The following UBASH3B variants were observed in gnomAD, a reference collection of about 807,000 sequenced individuals.
The protein encoded by UBASH3B is ubiquitin-associated and SH3 domain-containing protein B.
In UBASH3B, 37 loss-of-function variants were observed where a neutral mutation model predicts 83.4. The ratio of observed to expected loss-of-function variants is 0.44; its 90% CI spans 0.34 to 0.58. The LOEUF (loss-of-function observed/expected upper bound fraction) is 0.58. Among genes scored for constraint, UBASH3B ranks in the 20% least tolerant of loss-of-function variants. The pLI is 0.01. For synonymous variants in UBASH3B, 304 were observed against 318.3 expected (o/e 0.96, Z 0.48); for missense variants, 657 against 827.2 (o/e 0.79, Z 2.52).
At chr11:122,704,167 C>T (rs184109170) in intron 1 of UBASH3B, among the ~76,000 whole-genome samples, 4 of 152,318 alleles carry the variant, frequency 2.6e-5, no homozygotes, top group African/African-American at 7.2e-5. Context: ...CTTTTATTTA[C>T]GGGCTGAGTC....
At chr11:122,672,067 C>T (rs1378648042) in intron 1 of UBASH3B, among the ~76,000 whole-genome samples, 4 of 152,014 alleles carry the variant, frequency 2.6e-5, no homozygotes, top group African/African-American at 9.7e-5. Context: ...GATGTTGAGG[C>T]AGGACAGAAC....
In UBASH3B at chr11:122,809,776, G is replaced by A. The variant is rs758124988; in HGVS notation, c.1840G>A (p.Glu614Lys). 8.7e-6 allele frequency: 14 copies of A among 1,614,126 alleles called. No homozygotes were observed. In the South Asian group the frequency reaches 1.5e-4, roughly 18 times the overall value. Residue 614 changes from glutamate (E) to lysine (K), a missense_variant, in exon 14 of 14, where the codon GAA becomes AAA. Around this residue, in one of 3 missense-constraint regions of UBASH3B, gnomAD observed 573 missense variants for 739.0 expected, o/e 0.78. Transcript: ENST00000284273. ...KIPYLGFCSCEELGETGIWQL... is the reference protein window; with the variant it reads ...KIPYLGFCSCKELGETGIWQL... ...CCCATATCTGGGATTTTGTTCCTGT[G>A]AAGAATTAGGAGAAACTGGAATATG...
intron 1 of UBASH3B, among the ~76,000 whole-genome samples, chr11:122,733,615 C>A (rs1860881481): frequency 6.6e-6 from 1 of 152,164 alleles, no homozygotes; most frequent in Non-Finnish European, 1.5e-5. Context: ...CAGCTGCCTT[C>A]ATTGATGTAT....
intron 1 of UBASH3B, among the ~76,000 whole-genome samples, chr11:122,738,607 A>C (rs1199172558): frequency 6.6e-6 from 1 of 152,216 alleles, no homozygotes; most frequent in Non-Finnish European, 1.5e-5. Flanking sequence ...TGTTACATTC[A>C]TCCAGGCACA....
At chr11:122,748,629 A>C (rs547241827) in intron 1 of UBASH3B, among the ~76,000 whole-genome samples, 2 of 152,188 alleles carry the variant, frequency 1.3e-5, no homozygotes, top group Non-Finnish European at 2.9e-5. Context: ...GATTCTTTGA[A>C]TACCTCCATT....
chr11:122,778,503 A>G (rs1031620660), intron 3 of UBASH3B, among the ~76,000 whole-genome samples: 4 of 152,118 alleles, frequency 2.6e-5, no homozygotes, highest in Non-Finnish European at 5.9e-5. Flanking sequence ...AAATAGTAGA[A>G]AACACGCAGC....
intron 1 of UBASH3B, among the ~76,000 whole-genome samples, chr11:122,714,464 C>T (rs1864241347): frequency 6.6e-6 from 1 of 152,204 alleles, no homozygotes; most frequent in Admixed American, 6.5e-5. Flanking sequence ...TCCTCTTCTG[C>T]TTTTACTTTA....
At chr11:122,756,082 C>G (rs188056748) in intron 1 of UBASH3B, among the ~76,000 whole-genome samples, 1 of 151,994 alleles carries the variant, frequency 6.6e-6, no homozygotes, top group African/African-American at 2.4e-5. Flanking sequence ...AGCATTAACA[C>G]GTGTTGGCCT....
chr11:122,732,609 G>A (rs1014425640), intron 1 of UBASH3B, among the ~76,000 whole-genome samples: 12 of 152,132 alleles, frequency 7.9e-5, no homozygotes, highest in African/African-American at 2.7e-4. Flanking sequence ...AACTTGTAAA[G>A]TCCTATTGTA....
At chr11:122,724,902 C>G (rs1591787455) in intron 1 of UBASH3B, among the ~76,000 whole-genome samples, 1 of 152,002 alleles carries the variant, frequency 6.6e-6, no homozygotes, top group East Asian at 1.9e-4. Flanking sequence ...GCACTTGGGA[C>G]TCACTGGGAG....
chr11:122,726,124 C>G (rs1860735782), intron 1 of UBASH3B: 1 of 152,192 alleles, frequency 6.6e-6, no homozygotes, highest in South Asian at 2.1e-4. Context: ...TGCTCATCCA[C>G]CCTGTTGTCT....
At chr11:122,691,591 A>C (rs1863898694) in intron 1 of UBASH3B, among the ~76,000 whole-genome samples, 1 of 152,238 alleles carries the variant, frequency 6.6e-6, no homozygotes, top group Admixed American at 6.5e-5. Context: ...AAGGCTTAAA[A>C]TCTTTATTGA....
chr11:122,755,887 T>C (rs2135972011), intron 1 of UBASH3B, among the ~76,000 whole-genome samples: 1 of 152,356 alleles, frequency 6.6e-6, no homozygotes, highest in Non-Finnish European at 1.5e-5. Flanking sequence ...ACTGATTAAT[T>C]TGATTGTCTG....
intron 1 of UBASH3B, among the ~76,000 whole-genome samples, chr11:122,728,013 A>ATTATTATTT (rs1860774052): frequency 6.6e-6 from 1 of 151,562 alleles, no homozygotes; most frequent in South Asian, 2.1e-4. Context: ...TATTATTATT[A>ATTATTATTT]TTATTTTTAG....
rs563723106 is a variant in UBASH3B at position 122,757,831 on chromosome 11, A to G, written c.162-18388A>G. On this transcript the variant is annotated intron_variant, in intron 1 of 13. Coordinates refer to ENST00000284273, the MANE Select transcript of UBASH3B (RefSeq NM_032873.5). ...CAGGTTCAAGCCATTCTCCTGCCTC[A>G]ACCTCCTGAGTAGCTGGGATTACAG... 3.4e-5 allele frequency among the ~76,000 whole-genome samples: 5 copies of G among 148,984 alleles called. No individual in the cohort carries two copies. In the South Asian group the frequency reaches 1.1e-3, roughly 31 times the overall value.
intron 1 of UBASH3B, among the ~76,000 whole-genome samples, chr11:122,763,205 A>G (rs1023244136): frequency 6.6e-6 from 1 of 152,180 alleles, no homozygotes; most frequent in African/African-American, 2.4e-5. Context: ...AACAGAGGCA[A>G]AGAGAAATGT....
Position 122,656,294 on chromosome 11 carries a change from G to T in UBASH3B, c.161+84G>T, listed in dbSNP as rs568313379. On this transcript the variant is annotated intron_variant, in intron 1 of 13. Coordinates refer to ENST00000284273, the MANE Select transcript of UBASH3B (RefSeq NM_032873.5). Reference sequence around the variant, plus strand: ...GCTTCGCTCCGGCTCGCCTCCCAGCGCCTGCGGGACAGGCAGCGCGCTCCC... The same window carrying T: ...GCTTCGCTCCGGCTCGCCTCCCAGCTCCTGCGGGACAGGCAGCGCGCTCCC... 3.2e-6 allele frequency: 4 copies of T among 1,257,214 alleles called. No homozygotes were observed. In the East Asian group the frequency reaches 1.3e-4, roughly 40 times the overall value. 77.9% of individuals were successfully genotyped at this position (1,257,214 alleles called of 1,614,324 possible).
chr11:122,736,030 C>A (rs1442407251), intron 1 of UBASH3B, among the ~76,000 whole-genome samples: 1 of 152,136 alleles, frequency 6.6e-6, no homozygotes, highest in Non-Finnish European at 1.5e-5. Flanking sequence ...GACAGGAAAC[C>A]AGAGCAGACT....
rs143936474 is a variant in UBASH3B at position 122,714,551 on chromosome 11, T to G, written c.161+58341T>G. 4.1e-3 allele frequency among the ~76,000 whole-genome samples: 619 copies of G among 151,988 alleles called. 3 individuals carry two copies. Among genetic ancestry groups the G allele is most frequent in the African/African-American group, 0.014 (596 of 41,446 alleles). On this transcript the variant is annotated intron_variant, in intron 1 of 13. Coordinates refer to ENST00000284273, the MANE Select transcript of UBASH3B (RefSeq NM_032873.5). ...AGGCAGCGGGGTAAAATGGAGAGAGTGAAGGATTGAACTCAGTCCTGGCTC... is the reference window on the plus strand; with the variant it reads ...AGGCAGCGGGGTAAAATGGAGAGAGGGAAGGATTGAACTCAGTCCTGGCTC...
Sources: gnomAD v4.1 joint callset for allele counts (sites outside exome capture counted in the v4.1 genomes callset) on GRCh38, gnomAD v4.1.1 for gene constraint, gnomAD v4.1.1 regional missense constraint, MANE v1.5 for transcripts, NCBI Gene and HGNC (gene_info 2026-07-23, HGNC 2026-07-21) for gene names.